GABBR2: variants seen among roughly 807,000 people sequenced by gnomAD.
The protein encoded by GABBR2 is G-protein coupled receptor 51.
Under a neutral mutation model 105.6 loss-of-function variants are expected in GABBR2, and 23 were observed. That is an observed-to-expected ratio of 0.22 (90% confidence interval 0.16 to 0.31). The LOEUF (loss-of-function observed/expected upper bound fraction) is 0.31. GABBR2 is among the 10% of genes least tolerant of loss of function. The pLI is 1.00. For synonymous variants in GABBR2, 478 were observed against 499.7 expected (o/e 0.96, Z 0.58); for missense variants, 734 against 1,245.5 (o/e 0.59, Z 6.18).
At chr9:98,428,318 AAGG>A (rs1825735679) in intron 7 of GABBR2, among the ~76,000 whole-genome samples, 3 of 152,266 alleles carry the variant, frequency 2.0e-5, no homozygotes, top group Admixed American at 1.3e-4. Context: ...GGGAGACAAG[AAGG>A]AGAAGCCACA....
At chr9:98,634,474 T>C (rs1829853320) in intron 1 of GABBR2, among the ~76,000 whole-genome samples, 1 of 151,968 alleles carries the variant, frequency 6.6e-6, no homozygotes, top group South Asian at 2.1e-4. Flanking sequence ...AAGAAGAGAA[T>C]AAGACACAGA....
At chr9:98,321,086 A>G (rs1278485539) in intron 13 of GABBR2, among the ~76,000 whole-genome samples, 2 of 152,108 alleles carry the variant, frequency 1.3e-5, no homozygotes, top group East Asian at 1.9e-4. Flanking sequence ...CCTACAGGAA[A>G]GGCCTGGGAA....
At chr9:98,531,504 C>T (rs1009669570) in intron 3 of GABBR2, among the ~76,000 whole-genome samples, 2 of 152,222 alleles carry the variant, frequency 1.3e-5, no homozygotes, top group African/African-American at 4.8e-5. Context: ...GCAGCCACCA[C>T]TGAGCAAAAC....
At chr9:98,632,988 A>G (rs574031377) in intron 1 of GABBR2, among the ~76,000 whole-genome samples, 2 of 152,172 alleles carry the variant, frequency 1.3e-5, no homozygotes, top group South Asian at 4.1e-4. Flanking sequence ...GTAAATAGCT[A>G]GTGGTGTGCT....
intron 7 of GABBR2, among the ~76,000 whole-genome samples, chr9:98,422,768 T>C (rs111900200): frequency 0.26 from 22,770 of 88,396 alleles, 2,819 homozygotes; most frequent in African/African-American, 0.44. Flanking sequence ...CCCCTCCCCC[T>C]ACCCCACAAC....
intron 1 of GABBR2, among the ~76,000 whole-genome samples, chr9:98,621,269 C>T (rs1829667042): frequency 6.6e-6 from 1 of 152,152 alleles, no homozygotes; most frequent in East Asian, 1.9e-4. Context: ...CAGAAGGAAC[C>T]AGGACTTGCG....
intron 2 of GABBR2, among the ~76,000 whole-genome samples, chr9:98,563,625 T>A (rs1413645057): frequency 6.6e-6 from 1 of 152,184 alleles, no homozygotes; most frequent in Non-Finnish European, 1.5e-5. Flanking sequence ...AGCCAACATG[T>A]CATGTTAGAA....
At chr9:98,484,673 C>T (rs1827005351) in intron 4 of GABBR2, among the ~76,000 whole-genome samples, 1 of 152,100 alleles carries the variant, frequency 6.6e-6, no homozygotes, top group South Asian at 2.1e-4. Flanking sequence ...AGGAGGTGTC[C>T]CGAGTGTAGG....
chr9:98,534,163 C>T (rs1320332650), intron 3 of GABBR2, among the ~76,000 whole-genome samples: 1 of 152,212 alleles, frequency 6.6e-6, no homozygotes, highest in East Asian at 1.9e-4. Flanking sequence ...CCTGAAAGGG[C>T]AGGTGCTTTG....
At chr9:98,704,212 C>T (rs1036197160) in intron 1 of GABBR2, among the ~76,000 whole-genome samples, 1 of 152,152 alleles carries the variant, frequency 6.6e-6, no homozygotes, top group African/African-American at 2.4e-5. Context: ...ATTCAACAGT[C>T]CTTTAAATCC....
rs756392600 is a variant in GABBR2, at chr9:98,542,023, C to T, written c.480G>A (p.Thr160=). The change falls in exon 3 of 19, where the codon ACG becomes ACA. Residue 160 remains threonine (T), a synonymous_variant. Transcript: ENST00000259455. Reference sequence around the variant, plus strand: ...ATTTTTTCTTATCGGCTAGAACAGGCGTGGTTGCAGCAAAAGAAAGCTGAA... The same window carrying T: ...ATTTTTTCTTATCGGCTAGAACAGGTGTGGTTGCAGCAAAAGAAAGCTGAA... ...NLVQLSFAAT[T]PVLADKKKYP... 24 of 1,613,904 alleles carry T rather than the reference C, an allele frequency of 1.5e-5. No individual in the cohort carries two copies. Among genetic ancestry groups the T allele is most frequent in the South Asian group, 8.8e-5 (8 of 91,072 alleles).
chr9:98,681,316 A>G (rs1427554600), intron 1 of GABBR2, among the ~76,000 whole-genome samples: 1 of 43,060 alleles, frequency 2.3e-5, no homozygotes, highest in Non-Finnish European at 4.9e-5. Context: ...ATTGGAAATC[A>G]TCATTCTCAG....
chr9:98,653,446 A>T (rs558165398), intron 1 of GABBR2, among the ~76,000 whole-genome samples: 2 of 152,370 alleles, frequency 1.3e-5, no homozygotes, highest in East Asian at 3.9e-4. Context: ...GTATAAACAT[A>T]ACACATAAAT....
chr9:98,479,740 C>T (rs1826872604), intron 5 of GABBR2, among the ~76,000 whole-genome samples: 1 of 152,190 alleles, frequency 6.6e-6, no homozygotes, highest in African/African-American at 2.4e-5. Context: ...GACTACCCTG[C>T]CCTGGGTGTA....
chr9:98,698,482 ACT>A (rs1287650614), intron 1 of GABBR2, among the ~76,000 whole-genome samples: 1 of 149,142 alleles, frequency 6.7e-6, no homozygotes, highest in Non-Finnish European at 1.5e-5. Flanking sequence ...TAACCAATGT[ACT>A]CTTACTTTAT....
At chr9:98,505,300 A>T (rs1827486335) in intron 3 of GABBR2, among the ~76,000 whole-genome samples, 1 of 152,220 alleles carries the variant, frequency 6.6e-6, no homozygotes, top group Non-Finnish European at 1.5e-5. Flanking sequence ...CTGTAACCAG[A>T]TTTGAAAGTA....
intron 13 of GABBR2, among the ~76,000 whole-genome samples, chr9:98,353,806 T>TG (rs35065605): frequency 1.5e-3 from 222 of 151,842 alleles, no homozygotes; most frequent in Admixed American, 6.8e-3. Flanking sequence ...TGGATCATGG[T>TG]GGGGGGGGGT....
At chr9:98,618,612 ATC>A (rs1250337423) in intron 1 of GABBR2, among the ~76,000 whole-genome samples, 8 of 145,422 alleles carry the variant, frequency 5.5e-5, no homozygotes, top group African/African-American at 1.8e-4. Flanking sequence ...GTATGCTTCT[ATC>A]TCTCTTTCTG....
chr9:98,393,502 C>CCCAT (rs60776601), intron 9 of GABBR2, among the ~76,000 whole-genome samples: 27,550 of 145,838 alleles, frequency 0.19, 3,991 homozygotes, highest in African/African-American at 0.41. Context: ...AGCCCACCCA[C>CCCAT]CCATCCATCC....
Sources: allele counts gnomAD v4.1 joint callset (sites outside exome capture counted in the v4.1 genomes callset), GRCh38; gene constraint gnomAD v4.1.1; transcripts MANE v1.5; gene names NCBI Gene and HGNC (gene_info 2026-07-23, HGNC 2026-07-21).